Variants in SLC2A9 observed in about 807,000 individuals in gnomAD.
The protein encoded by SLC2A9 is solute carrier family 2 member 9, also known as solute carrier family 2, facilitated glucose transporter member 9.
SLC2A9 carries 39 observed loss-of-function variants against 50.6 expected under a neutral mutation model. That is an observed-to-expected ratio of 0.77 (90% confidence interval 0.60 to 1.01). The LOEUF (loss-of-function observed/expected upper bound fraction) is 1.01. Among genes scored for constraint, SLC2A9 ranks in the 50% least tolerant of loss-of-function variants. The pLI is 0.00. For synonymous variants in SLC2A9, 324 were observed against 276.9 expected, an observed-to-expected ratio of 1.17 and a Z score of -1.69; for missense variants, 686 against 677.6, an observed-to-expected ratio of 1.01 and a Z score of -0.14.
rs533320098 is a variant in SLC2A9 at position 9,983,808 on chromosome 4, G to A, written c.535+1861C>T. ...GTGGTGCCATCATGGCTTAAGTTTC[G>A]GGGTTTTTAAATACATCAAACCTAA... is the stretch of plus-strand genomic sequence containing the variant. On this transcript the variant is annotated intron_variant, in intron 4 of 11. Coordinates refer to ENST00000264784, the MANE Select transcript of SLC2A9 (RefSeq NM_020041.3). Among the ~76,000 whole-genome samples, 13 of 152,276 alleles carry A rather than the reference G, an allele frequency of 8.5e-5. No individual in the cohort carries two copies. In the East Asian group the frequency reaches 1.5e-3, roughly 18 times the overall value.
intron 3 of SLC2A9, among the ~76,000 whole-genome samples, chr4:9,995,143 C>T (rs1164112997): frequency 6.6e-6 from 1 of 152,250 alleles, no homozygotes; most frequent in African/African-American, 2.4e-5. Flanking sequence ...CCTCTCTAAC[C>T]TCCCATTCCC....
intron 8 of SLC2A9, among the ~76,000 whole-genome samples, chr4:9,891,759 A>G (rs1358227761): frequency 6.6e-6 from 1 of 152,200 alleles, no homozygotes; most frequent in Non-Finnish European, 1.5e-5. Flanking sequence ...TTCCTGGAGG[A>G]GGCAGGAGCA....
At chr4:9,858,901 A>G (rs1428206183) in intron 10 of SLC2A9, among the ~76,000 whole-genome samples, 2 of 152,220 alleles carry the variant, frequency 1.3e-5, no homozygotes, top group Non-Finnish European at 2.9e-5. Context: ...GCAGGAGAAG[A>G]TGGAAGCACT....
chr4:9,893,620 C>A (rs1294669357), intron 8 of SLC2A9, among the ~76,000 whole-genome samples: 1 of 151,970 alleles, frequency 6.6e-6, no homozygotes, highest in South Asian at 2.1e-4. Context: ...GAGAAACCTG[C>A]ATTTAAAGCA....
In SLC2A9 at chr4:9,835,018, G is replaced by A; in HGVS notation, c.1292-10C>T. 6.2e-7 allele frequency: 1 copy of A among 1,612,952 alleles called. No homozygotes were observed. The highest frequency in any genetic ancestry group is 8.5e-7 in the Non-Finnish European group (1 of 1,179,906). ...ATGAACGGGATGCCACCTGCAGTGTGTGAGCCAGGACATGGAATTAATCAC... is the reference window on the plus strand; with the variant it reads ...ATGAACGGGATGCCACCTGCAGTGTATGAGCCAGGACATGGAATTAATCAC... On this transcript the variant is annotated splice_polypyrimidine_tract_variant and intron_variant, in intron 10 of 11. Transcript: ENST00000264784.
At chr4:9,857,316 T>A (rs1256235278) in intron 10 of SLC2A9, among the ~76,000 whole-genome samples, 2 of 152,138 alleles carry the variant, frequency 1.3e-5, no homozygotes, top group East Asian at 3.9e-4. Flanking sequence ...AGTACTGAGT[T>A]CCTGCTTGGA....
intron 7 of SLC2A9, among the ~76,000 whole-genome samples, chr4:9,914,272 C>T (rs999741137): frequency 2.0e-5 from 3 of 152,174 alleles, no homozygotes; most frequent in African/African-American, 7.2e-5. Flanking sequence ...GAATCACTAC[C>T]GGCAGCTGCC....
At chr4:9,945,365 G>A (rs1056985920) in intron 5 of SLC2A9, among the ~76,000 whole-genome samples, 4 of 152,210 alleles carry the variant, frequency 2.6e-5, no homozygotes, top group African/African-American at 7.2e-5. Flanking sequence ...CGGGAGTGCT[G>A]AGCACAGGCC....
rs1748227792 is a variant in SLC2A9 at position 9,941,960 on chromosome 4, G to C, written c.767C>G (p.Pro256Arg). The C allele has an allele frequency of 1.1e-5, 17 of 1,614,184 alleles. No homozygotes were observed. The highest frequency in any genetic ancestry group is 1.4e-5 in the Non-Finnish European group (16 of 1,180,022). The change falls in exon 6 of 12, where the codon CCA becomes CGA. Residue 256 changes from proline (P) to arginine (R), a missense_variant. By Grantham distance (103) the Pro-to-Arg change is moderately radical. Transcript: ENST00000264784. ...LLSLPFLPDS[P>R]RYLLLEKHNE... is the part of the protein sequence containing the mutation. ...GTGCTTCTCCAAGAGCAGGTAGCGT[G>C]GGCTGTCCGGGAGAAAGGGAAGGCT...
At chr4:10,020,616 T>A (rs1050093699) in intron 1 of SLC2A9, among the ~76,000 whole-genome samples, 4 of 152,314 alleles carry the variant, frequency 2.6e-5, no homozygotes, top group African/African-American at 9.6e-5. Context: ...TCTCTATCAC[T>A]CTTTCTCTTT....
At chr4:10,030,575 G>A (rs904773734) in intron 1 of SLC2A9, among the ~76,000 whole-genome samples, 1 of 152,088 alleles carries the variant, frequency 6.6e-6, no homozygotes, top group Non-Finnish European at 1.5e-5. Context: ...TCAAGTGTGT[G>A]GGTGTAGGGG....
At chr4:10,029,589 TTTATA>T (rs372664540) in intron 1 of SLC2A9, among the ~76,000 whole-genome samples, 21,747 of 145,452 alleles carry the variant, frequency 0.15, 2,055 homozygotes, top group Non-Finnish European at 0.21. Context: ...TTTATTTTAT[TTTATA>T]TTATTTTATT....
intron 10 of SLC2A9, among the ~76,000 whole-genome samples, chr4:9,857,469 T>C (rs1283986543): frequency 6.6e-6 from 1 of 152,186 alleles, no homozygotes; most frequent in African/African-American, 2.4e-5. Flanking sequence ...GACTGGTTCT[T>C]TACTCCATCT....
At position 10,019,072 on chromosome 4, in the gene SLC2A9, T is replaced by C. The variant is rs1266362581; in HGVS notation, c.152A>G (p.Asp51Gly). 6.4e-7 allele frequency: 1 copy of C among 1,551,058 alleles called. No homozygotes were observed. Among genetic ancestry groups the C allele is most frequent in the Non-Finnish European group, 8.7e-7 (1 of 1,146,890 alleles). Reference protein sequence around the residue: ...SGVPGGRRRKDWSCSLLVASL... With the variant: ...SGVPGGRRRKGWSCSLLVASL... ...GGCCACGAGGAGCGAGCAGGACCAG[T>C]CCTGAGGGGAGAGGAAACCACGTCA... Residue 51 changes from aspartate to glycine, a missense_variant and splice_region_variant, in exon 2 of 12, where the codon GAC (aspartate) becomes GGC (glycine). Asp to Gly is a moderately conservative substitution (Grantham distance 94, BLOSUM62 -1). Coordinates refer to ENST00000264784, the MANE Select transcript of SLC2A9 (RefSeq NM_020041.3).
downstream of SLC2A9, among the ~76,000 whole-genome samples, chr4:9,779,511 T>C (rs1718035095): frequency 6.6e-6 from 1 of 151,202 alleles, no homozygotes; most frequent in Non-Finnish European, 1.5e-5. Context: ...GCCTCCTGGG[T>C]TCACGCCATT....
chr4:9,857,201 A>G (rs567508379), intron 10 of SLC2A9, among the ~76,000 whole-genome samples: 9 of 152,320 alleles, frequency 5.9e-5, no homozygotes, highest in Admixed American at 5.9e-4. Flanking sequence ...ATAGCTCAGA[A>G]CCTGGGTTCC....
intron 9 of SLC2A9, among the ~76,000 whole-genome samples, chr4:9,888,977 G>A (rs1736813652): frequency 6.6e-6 from 1 of 152,176 alleles, no homozygotes; most frequent in Non-Finnish European, 1.5e-5. Context: ...ACTGGGATGG[G>A]AGGTGGAAAT....
intron 10 of SLC2A9, among the ~76,000 whole-genome samples, chr4:9,882,381 G>A (rs754310412): frequency 9.2e-5 from 14 of 152,140 alleles, no homozygotes; most frequent in Non-Finnish European, 1.8e-4. Context: ...ACAAGATGGT[G>A]AAGATTTAAA....
chr4:9,833,742 C>T lies in SLC2A9; in HGVS notation c.1419+1139G>A, dbSNP rs138463521. Among the ~76,000 whole-genome samples, 438 of 152,190 alleles carry T rather than the reference C, an allele frequency of 2.9e-3. 6 individuals carry two copies. The highest frequency in any genetic ancestry group is 0.01 in the African/African-American group (430 of 41,508). On this transcript the variant is annotated intron_variant, in intron 11 of 11. Transcript: ENST00000264784. Reference sequence around the variant, plus strand: ...GCAGGCGGACTTAGAACTGAGTGTCCAGAATAGTTGGTGAGGGGAGGAAGA... The same window carrying T: ...GCAGGCGGACTTAGAACTGAGTGTCTAGAATAGTTGGTGAGGGGAGGAAGA...
Sources: gnomAD v4.1 joint callset for allele counts (sites outside exome capture counted in the v4.1 genomes callset) on GRCh38, gnomAD v4.1.1 for gene constraint, MANE v1.5 for transcripts, NCBI Gene and HGNC (gene_info 2026-07-23, HGNC 2026-07-21) for gene names.